Variants in GRM4 observed in about 807,000 individuals in gnomAD.
The protein encoded by GRM4 is glutamate metabotropic receptor 4.
A neutral mutation model predicts 81.7 loss-of-function variants in GRM4; 28 were observed. The observed-to-expected ratio is 0.34, with a 90% CI of 0.25 to 0.47. GRM4 has a LOEUF of 0.47. Ranked by LOEUF, GRM4 falls within the 20% of genes least tolerant of loss-of-function variation. The pLI, the probability that GRM4 is intolerant of heterozygous loss-of-function variation, is 1.00. For missense variants in GRM4, 948 were observed against 1,290.0 expected (o/e 0.73, Z 4.06); for synonymous variants, 488 against 528.8 (o/e 0.92, Z 1.06).
chr6:34,029,836 T>C (rs76144160), intron 9 of GRM4, among the ~76,000 whole-genome samples: 1,910 of 152,248 alleles, frequency 0.013, 16 homozygotes, highest in Non-Finnish European at 0.02. Flanking sequence ...GCACTGACAC[T>C]CCTCAAAGTG....
At chr6:34,082,096 GGGACAGATCCCTGTCCAGTGGGAGCCTGC>G (rs879640297) in intron 3 of GRM4, among the ~76,000 whole-genome samples, 31,701 of 149,260 alleles carry the variant, frequency 0.21, 4,386 homozygotes, top group Admixed American at 0.3. Context: ...GGGAGCCTGC[GGGACAGATCCCTGTCCAGTGGGAGCCTGC>G]GGGACAGATC....
In GRM4 at chr6:34,036,884, A is replaced by G. The variant is rs1764741271; in HGVS notation, c.1507-281T>C. ...AAACTGAGCCCAGAAAGCAGTAGTG[A>G]CAACCTAGAGTCACAGGAAACAACA... On this transcript the variant is annotated intron_variant, in intron 8 of 10. Transcript: ENST00000538487. The surrounding 1 kb of genome is among the most constrained non-coding windows in gnomAD (Gnocchi z 9.0). Among the ~76,000 whole-genome samples the G allele has an allele frequency of 6.6e-6, 1 of 152,224 alleles. No homozygotes were observed. The highest frequency in any genetic ancestry group is 1.5e-5 in the Non-Finnish European group (1 of 68,034).
intron 2 of GRM4, among the ~76,000 whole-genome samples, chr6:34,106,338 C>T (rs1233168054): frequency 1.3e-5 from 2 of 151,866 alleles, no homozygotes; most frequent in African/African-American, 4.8e-5. Flanking sequence ...TCACTTGAAC[C>T]CAGGAGGCGG....
Position 34,114,680 on chromosome 6 carries a change from C to T in GRM4, c.519+18298G>A, listed in dbSNP as rs1208384925. 1.3e-5 allele frequency among the ~76,000 whole-genome samples: 2 copies of T among 152,164 alleles called. No individual in the cohort carries two copies. Among genetic ancestry groups the T allele is most frequent in the Non-Finnish European group, 2.9e-5 (2 of 68,036 alleles). ...CTACCCTGAGGACACTGCCCGGCTC[C>T]ACCTCTGACAAAGGCTGCCCCATGC... On this transcript the variant is annotated intron_variant, in intron 2 of 10. Coordinates refer to ENST00000538487, the MANE Select transcript of GRM4 (RefSeq NM_000841.4). The surrounding 1 kb of genome is among the most constrained non-coding windows in gnomAD (Gnocchi z 4.3).
In GRM4 at chr6:34,036,042, C is replaced by T; in HGVS notation, c.2068G>A (p.Ala690Thr). 6.2e-7 allele frequency: 1 copy of T among 1,614,090 alleles called. No individual in the cohort carries two copies. Among genetic ancestry groups the T allele is most frequent in the South Asian group, 1.1e-5 (1 of 91,068 alleles). The change falls in exon 9 of 11, where the codon GCC becomes ACC. Residue 690 changes from alanine (A) to threonine (T), a missense_variant. By Grantham distance (58) the Ala-to-Thr change is moderately conservative. Coordinates refer to ENST00000538487, the MANE Select transcript of GRM4 (RefSeq NM_000841.4). This position sits in a 1 kb window ranked among gnomAD's most constrained non-coding sequence, Gnocchi z 9.0. ...IFEQGKRSVS[A>T]PRFISPASQL... is the part of the protein sequence containing the mutation. ...GAGGCGGGGCTGATGAAGCGTGGGG[C>T]ACTGACCGAGCGCTTGCCCTGCTCG...
chr6:34,133,385 G>T lies in GRM4; in HGVS notation c.112C>A (p.Pro38Thr), dbSNP rs761325969. 3 of 1,613,862 alleles carry T rather than the reference G, an allele frequency of 1.9e-6. No homozygotes were observed. In the South Asian group the frequency reaches 3.3e-5, roughly 18 times the overall value. The change falls in exon 2 of 11, where the codon CCT (proline) becomes ACT (threonine). Residue 38 changes from proline to threonine, a missense_variant. Physicochemically the swap from Pro to Thr is conservative, Grantham distance 38. Transcript: ENST00000538487. This position sits in a 1 kb window ranked among gnomAD's most constrained non-coding sequence, Gnocchi z 6.5. Reference protein sequence around the residue: ...PSSLGKPKGHPHMNSIRIDGD... With the variant: ...PSSLGKPKGHTHMNSIRIDGD... ...TCTATGCGGATGGAATTCATGTGAG[G>T]GTGGCCTTTGGGCTTTCCCAGGGAG...
intron 3 of GRM4, among the ~76,000 whole-genome samples, chr6:34,072,762 CAGAT>C (rs1767016114): frequency 3.7e-5 from 2 of 54,524 alleles, no homozygotes; most frequent in Admixed American, 2.1e-4. Context: ...ACACACCACA[CAGAT>C]ACACACCACA....
chr6:34,105,685 G>A lies in GRM4; in HGVS notation c.520-13586C>T, dbSNP rs929878772. 2.0e-5 allele frequency among the ~76,000 whole-genome samples: 3 copies of A among 152,144 alleles called. No homozygotes were observed. The South Asian group carries it at 6.2e-4, about 32-fold the overall frequency. Reference sequence around the variant, plus strand: ...CATGGCAGGCGAGGAGACACAGCATGCACCCCTGAACTCCAGGCTCCCATC... The same window carrying A: ...CATGGCAGGCGAGGAGACACAGCATACACCCCTGAACTCCAGGCTCCCATC... On this transcript the variant is annotated intron_variant, in intron 2 of 10. Transcript: ENST00000538487.
rs1241096922 is a variant in GRM4 at position 34,078,392 on chromosome 6, C to T, written c.736+13491G>A. On this transcript the variant is annotated intron_variant, in intron 3 of 10. Coordinates refer to ENST00000538487, the MANE Select transcript of GRM4 (RefSeq NM_000841.4). This position sits in a 1 kb window ranked among gnomAD's most constrained non-coding sequence, Gnocchi z 4.8. The stretch of plus-strand genomic sequence containing the variant: ...TGTCTCCTGAGCTCCTTCCAGTCCA[C>T]CCAGGTCCTAGGTATGATGACCATT... Among the ~76,000 whole-genome samples, 1 of 152,152 alleles carries T rather than the reference C, an allele frequency of 6.6e-6. No individual in the cohort carries two copies. Among genetic ancestry groups the T allele is most frequent in the Non-Finnish European group, 1.5e-5 (1 of 68,028 alleles).
At chr6:34,097,320 T>A (rs898962903) in intron 2 of GRM4, among the ~76,000 whole-genome samples, 5 of 151,796 alleles carry the variant, frequency 3.3e-5, no homozygotes, top group East Asian at 3.9e-4. Context: ...GAGCAGCCAG[T>A]GCAAAGGCCA....
rs1765042002 is a variant in GRM4 at position 34,042,054 on chromosome 6, C to T, written c.1169-1306G>A. On this transcript the variant is annotated intron_variant, in intron 6 of 10. Coordinates refer to ENST00000538487, the MANE Select transcript of GRM4 (RefSeq NM_000841.4). This position sits in a 1 kb window ranked among gnomAD's most constrained non-coding sequence, Gnocchi z 4.2. ...ATCACTTGAGGTCAGGAGTTCAAGACCAGCCCAGCCAACACGCTGAAACCC... is the reference window on the plus strand; with the variant it reads ...ATCACTTGAGGTCAGGAGTTCAAGATCAGCCCAGCCAACACGCTGAAACCC... Among the ~76,000 whole-genome samples the T allele has an allele frequency of 6.6e-6, 1 of 152,150 alleles. No homozygotes were observed. The highest frequency in any genetic ancestry group is 6.5e-5 in the Admixed American group (1 of 15,280).
intron 2 of GRM4, among the ~76,000 whole-genome samples, chr6:34,095,741 C>T (rs749445854): frequency 6.6e-6 from 1 of 152,174 alleles, no homozygotes; most frequent in African/African-American, 2.4e-5. Context: ...TCCATGGTCT[C>T]GTTGTTGTCA....
chr6:34,027,610 T>G (rs915261475), intron 10 of GRM4, among the ~76,000 whole-genome samples: 12 of 152,176 alleles, frequency 7.9e-5, no homozygotes, highest in African/African-American at 2.9e-4. Context: ...AAAGCCGAGC[T>G]GGGTGTTACA....
intron 2 of GRM4, among the ~76,000 whole-genome samples, chr6:34,131,447 C>CTA (rs1184538589): frequency 1.3e-5 from 2 of 152,226 alleles, no homozygotes; most frequent in Non-Finnish European, 2.9e-5. Context: ...AGGAAAAGCC[C>CTA]TATATTCGAG....
At chr6:34,145,135 G>A (rs987377971) in intron 1 of GRM4, among the ~76,000 whole-genome samples, 1 of 151,952 alleles carries the variant, frequency 6.6e-6, no homozygotes, top group Non-Finnish European at 1.5e-5. Flanking sequence ...GCTGCGTGCC[G>A]GCCTGCCCCG....
Position 34,036,689 on chromosome 6 carries a change from C to A in GRM4, c.1507-86G>T. The A allele has an allele frequency of 1.4e-6, 1 of 716,400 alleles. No individual in the cohort carries two copies. The highest frequency in any genetic ancestry group is 2.3e-6 in the Non-Finnish European group (1 of 434,172). 44.4% of individuals were successfully genotyped at this position (716,400 alleles called of 1,614,324 possible). The stretch of plus-strand genomic sequence containing the variant: ...CCTACTGGGTGGTGGCACCTTGTAG[C>A]CCCACACTCAAATCACCCAGCTAGT... On this transcript the variant is annotated intron_variant, in intron 8 of 10. Coordinates refer to ENST00000538487, the MANE Select transcript of GRM4 (RefSeq NM_000841.4). The surrounding 1 kb of genome is among the most constrained non-coding windows in gnomAD (Gnocchi z 9.0).
intron 1 of GRM4, among the ~76,000 whole-genome samples, chr6:34,154,276 G>A (rs1362713323): frequency 2.6e-5 from 4 of 152,168 alleles, no homozygotes; most frequent in Admixed American, 2.0e-4. Flanking sequence ...CCCTCACCGC[G>A]GTCCTGCTCC....
intron 1 of GRM4, among the ~76,000 whole-genome samples, chr6:34,142,456 G>A (rs1581740140): frequency 6.6e-6 from 1 of 152,212 alleles, no homozygotes; most frequent in African/African-American, 2.4e-5. Context: ...CTCCACACTT[G>A]TCTAGGAGAG....
rs184912589 is a variant in GRM4, at chr6:34,096,252, C to T, written c.520-4153G>A. Reference sequence around the variant, plus strand: ...CAAGCACAGGCGTCCTGCTCTAGGTCCCTCTGTCCCTTTCTCCTTCCTCTT... The same window carrying T: ...CAAGCACAGGCGTCCTGCTCTAGGTTCCTCTGTCCCTTTCTCCTTCCTCTT... On this transcript the variant is annotated intron_variant, in intron 2 of 10. Transcript: ENST00000538487. Among the ~76,000 whole-genome samples the T allele has an allele frequency of 2.6e-5, 4 of 152,142 alleles. No individual in the cohort carries two copies. The East Asian group carries it at 5.8e-4, about 22-fold the overall frequency.
Sources: gnomAD v4.1 joint callset for allele counts (sites outside exome capture counted in the v4.1 genomes callset) on GRCh38, gnomAD v4.1.1 for gene constraint, Gnocchi (gnomAD v3.1) non-coding constraint, MANE v1.5 for transcripts, NCBI Gene and HGNC (gene_info 2026-07-23, HGNC 2026-07-21) for gene names.